RELN: variants seen among roughly 807,000 people sequenced by gnomAD.
The protein encoded by RELN is reelin.
RELN carries 108 observed loss-of-function variants against 427.6 expected under a neutral mutation model. That is an observed-to-expected ratio of 0.25 (90% CI 0.22 to 0.30). The LOEUF (loss-of-function observed/expected upper bound fraction) is 0.30. Among genes scored for constraint, RELN ranks in the 10% least tolerant of loss-of-function variants. The pLI is 1.00. For synonymous variants in RELN, 1,524 were observed against 1,513.4 expected (o/e 1.01, Z -0.16); for missense variants, 3,715 against 4,302.8 (o/e 0.86, Z 3.82).
chr7:103,731,297 C>T (rs1382969700), intron 6 of RELN, among the ~76,000 whole-genome samples: 1 of 152,018 alleles, frequency 6.6e-6, no homozygotes, highest in Non-Finnish European at 1.5e-5. Flanking sequence ...AATTATGACA[C>T]ACAGCTGAAC....
At chr7:103,661,727 A>G (rs193057552) in intron 11 of RELN, among the ~76,000 whole-genome samples, 200 bp from the exon 12 acceptor site, 1 of 152,340 alleles carries the variant, frequency 6.6e-6, no homozygotes, top group East Asian at 1.9e-4. Flanking sequence ...AACACATTAC[A>G]TTCACAGTTA....
intron 51 of RELN, chr7:103,504,339 A>C (rs910679595): frequency 2.0e-5 from 3 of 150,928 alleles, no homozygotes; most frequent in African/African-American, 7.4e-5. Context: ...CTTAAGTCAT[A>C]ATGATTTAAC....
chr7:103,986,706 A>G (rs1481699209), intron 1 of RELN, among the ~76,000 whole-genome samples: 1 of 151,596 alleles, frequency 6.6e-6, no homozygotes, highest in Admixed American at 6.6e-5. Context: ...GGTGACTTCA[A>G]TGTAAATCAT....
rs1406541584 is a variant in RELN at position 103,697,954 on chromosome 7, T to C, written c.1042A>G (p.Ile348Val). The C allele has an allele frequency of 1.2e-6, 2 of 1,613,688 alleles. No individual in the cohort carries two copies. The highest frequency in any genetic ancestry group is 1.3e-5 in the African/African-American group (1 of 74,900). Residue 348 changes from isoleucine (I) to valine (V), a missense_variant, in exon 10 of 65, where the codon ATC becomes GTC. Around this residue, in one of 4 missense-constraint regions of RELN, gnomAD observed 2,208 missense variants for 2,361.7 expected, o/e 0.93. Coordinates refer to ENST00000428762, the MANE Select transcript of RELN (RefSeq NM_005045.4). ...VYEACWALDN[I>V]LIINSAHRQV... Reference sequence around the variant, plus strand: ...CTGTGAGCTGAATTGATGATCAAGATGTTATCTAAGGCCCAGCAGGCTTCA... The same window carrying C: ...CTGTGAGCTGAATTGATGATCAAGACGTTATCTAAGGCCCAGCAGGCTTCA...
intron 3 of RELN, among the ~76,000 whole-genome samples, chr7:103,808,866 G>C (rs772551566): frequency 3.0e-3 from 451 of 152,220 alleles, no homozygotes; most frequent in Non-Finnish European, 5.0e-3. Flanking sequence ...AACTGAAACA[G>C]AAACGGGGTT....
intron 8 of RELN, among the ~76,000 whole-genome samples, chr7:103,718,594 C>T (rs1192869750): frequency 6.6e-6 from 1 of 152,082 alleles, no homozygotes; most frequent in Non-Finnish European, 1.5e-5. Flanking sequence ...CAGATCACCT[C>T]CCCCAAGCCC....
At position 103,523,462 on chromosome 7, in the gene RELN, A is replaced by G; in HGVS notation, c.7419T>C (p.Asp2473=). ...PFDKQQTWAI[D]NVYIGDGCID... ...TGCAGCCATCCCCGATATAGACATT[A>G]TCTATTGCCCATGTCTGCTGCTTGT... Residue 2473 remains aspartate, a synonymous_variant, in exon 47 of 65, where the codon GAT becomes GAC. Transcript: ENST00000428762. 2 of 1,613,910 alleles carry G rather than the reference A, an allele frequency of 1.2e-6. No individual in the cohort carries two copies. The highest frequency in any genetic ancestry group is 1.7e-6 in the Non-Finnish European group (2 of 1,179,888).
chr7:103,744,837 C>T (rs1209499457), intron 6 of RELN, among the ~76,000 whole-genome samples: 2 of 152,172 alleles, frequency 1.3e-5, no homozygotes, highest in Admixed American at 1.3e-4. Flanking sequence ...GCCAGAGGTA[C>T]AAAGAGGAGC....
chr7:103,838,560 G>A (rs981465869), intron 2 of RELN, among the ~76,000 whole-genome samples: 18 of 152,144 alleles, frequency 1.2e-4, no homozygotes, highest in Admixed American at 1.1e-3. Flanking sequence ...AGTGCCCAAG[G>A]AGACTCAATA....
At chr7:103,529,686 T>C (rs911563570) in intron 46 of RELN, among the ~76,000 whole-genome samples, 8 of 152,130 alleles carry the variant, frequency 5.3e-5, no homozygotes, top group Non-Finnish European at 1.0e-4. Context: ...CCTCAGACCA[T>C]CTCTCTTAGG....
chr7:103,542,784 A>T lies in RELN; in HGVS notation c.6618T>A (p.Asn2206Lys). Residue 2206 changes from asparagine (N) to lysine (K), a missense_variant, in exon 43 of 65, where the codon AAT (asparagine) becomes AAA (lysine). By Grantham distance (94) the Asn-to-Lys change is moderately conservative. Around this residue, in one of 4 missense-constraint regions of RELN, gnomAD observed 1,310 missense variants for 1,643.0 expected, o/e 0.80. Coordinates refer to ENST00000428762, the MANE Select transcript of RELN (RefSeq NM_005045.4). The stretch of plus-strand genomic sequence containing the variant: ...TCATCAACATGCGCAAGCCATCTTC[A>T]TTGAAAAAGAGGTTGTTTCCACTAG... Reference protein sequence around the residue: ...ILSSGNNLFFNEDGLRMLMTR... With the variant: ...ILSSGNNLFFKEDGLRMLMTR... The T allele has an allele frequency of 1.2e-6, 2 of 1,614,158 alleles. No individual in the cohort carries two copies. Among genetic ancestry groups the T allele is most frequent in the Non-Finnish European group, 1.7e-6 (2 of 1,180,012 alleles).
chr7:103,564,060 C>CA (rs1830693659), intron 34 of RELN, among the ~76,000 whole-genome samples: 1 of 152,196 alleles, frequency 6.6e-6, no homozygotes, highest in Admixed American at 6.5e-5. Context: ...CATTTGGATC[C>CA]TGGCATCAGC....
At chr7:103,899,136 AACT>A (rs1795025805) in intron 2 of RELN, among the ~76,000 whole-genome samples, 1 of 152,148 alleles carries the variant, frequency 6.6e-6, no homozygotes, top group South Asian at 2.1e-4. Flanking sequence ...CAGAAATACA[AACT>A]ACTTTCAGAG....
intron 2 of RELN, among the ~76,000 whole-genome samples, chr7:103,854,338 A>T (rs185172715): frequency 1.1e-3 from 165 of 152,310 alleles, no homozygotes; most frequent in Non-Finnish European, 1.5e-3. Context: ...TGTACTTTAA[A>T]GTCACGATTG....
intron 2 of RELN, among the ~76,000 whole-genome samples, chr7:103,881,532 A>G (rs540445727): frequency 2.0e-4 from 31 of 152,096 alleles, no homozygotes; most frequent in African/African-American, 6.7e-4. Context: ...ACCTACTTCC[A>G]GTTCCCTGAA....
intron 34 of RELN, among the ~76,000 whole-genome samples, chr7:103,562,234 A>G (rs1406064064): frequency 1.3e-5 from 2 of 152,210 alleles, no homozygotes; most frequent in African/African-American, 4.8e-5. Flanking sequence ...GTTATTTTGA[A>G]CTATCCACTT....
At position 103,593,773 on chromosome 7, in the gene RELN, G is replaced by T; in HGVS notation, c.3821C>A (p.Pro1274Gln). 6.2e-7 allele frequency: 1 copy of T among 1,613,460 alleles called. No homozygotes were observed. Among genetic ancestry groups the T allele is most frequent in the African/African-American group, 1.3e-5 (1 of 75,014 alleles). ...TGATTTTCCAAATATCATTGCTGATGGTGTGGCAGCACAGAAGGTTTCATT... is the reference window on the plus strand; with the variant it reads ...TGATTTTCCAAATATCATTGCTGATTGTGTGGCAGCACAGAAGGTTTCATT... ...VKNETFCAAT[P>Q]SAMIFGKSDG... Residue 1274 changes from proline to glutamine, a missense_variant, in exon 27 of 65, where the codon CCA (proline) becomes CAA (glutamine). By Grantham distance (76) the Pro-to-Gln change is moderately conservative (BLOSUM62 -1). Transcript: ENST00000428762.
At position 103,567,064 on chromosome 7, in the gene RELN, T is replaced by G. The variant is rs362803; in HGVS notation, c.4589-305A>C. 0.036 allele frequency among the ~76,000 whole-genome samples: 5,451 copies of G among 152,282 alleles called. 340 individuals are homozygous for G. The highest frequency in any genetic ancestry group is 0.12 in the African/African-American group (5,185 of 41,520). On this transcript the variant is annotated intron_variant, in intron 31 of 64. Transcript: ENST00000428762. ...CTGCCTCAGATCACGTATTTGAATT[T>G]TAGATTCTGTTCTGAACATTACAAA...
At chr7:103,746,838 T>C (rs1335801421) in intron 6 of RELN, among the ~76,000 whole-genome samples, 1 of 151,604 alleles carries the variant, frequency 6.6e-6, no homozygotes, top group Non-Finnish European at 1.5e-5. Flanking sequence ...AGTTCAACCA[T>C]TGTGGAAGTC....
Sources: gnomAD v4.1 joint callset for allele counts (sites outside exome capture counted in the v4.1 genomes callset) on GRCh38, gnomAD v4.1.1 for gene constraint, gnomAD v4.1.1 regional missense constraint, MANE v1.5 for transcripts, NCBI Gene and HGNC (gene_info 2026-07-23, HGNC 2026-07-21) for gene names.